Variants in STX8 observed in about 807,000 individuals in gnomAD.
The protein encoded by STX8 is syntaxin 8, also known as syntaxin-8.
Under a neutral mutation model 37.5 loss-of-function variants are expected in STX8, and 23 were observed. The ratio of observed to expected loss-of-function variants is 0.61; its 90% CI spans 0.44 to 0.87. The LOEUF is 0.87. Ranked by LOEUF, STX8 falls within the 40% of genes least tolerant of loss-of-function variation. The pLI is 0.00. For synonymous variants in STX8, 115 were observed against 99.1 expected, an observed-to-expected ratio of 1.16 and a Z score of -0.95; for missense variants, 313 against 284.7, an observed-to-expected ratio of 1.10 and a Z score of -0.71.
rs376777350 is a variant in STX8 at position 9,378,545 on chromosome 17, C to G, written c.643+7G>C. On this transcript the variant is annotated splice_region_variant and intron_variant, in intron 7 of 7. Transcript: ENST00000306357. ...AGAAACAGAGCCATAACGTAGCTAT[C>G]TCTTACCACAAGAGGCTGACTTTCT... 1.2e-6 allele frequency: 2 copies of G among 1,611,986 alleles called. No individual in the cohort carries two copies. The highest frequency in any genetic ancestry group is 1.7e-6 in the Non-Finnish European group (2 of 1,178,156).
At chr17:9,422,566 G>A (rs766469616) in intron 6 of STX8, among the ~76,000 whole-genome samples, 9 of 152,148 alleles carry the variant, frequency 5.9e-5, no homozygotes, top group Admixed American at 1.3e-4. Context: ...TTTTGTGTCC[G>A]GCTTCTTTCA....
At chr17:9,420,028 C>A (rs1353254543) in intron 6 of STX8, among the ~76,000 whole-genome samples, 1 of 152,200 alleles carries the variant, frequency 6.6e-6, no homozygotes, top group Admixed American at 6.5e-5. Context: ...CCCACTTAAA[C>A]CCATTCTGTA....
chr17:9,400,185 C>G (rs1912556428), intron 6 of STX8, among the ~76,000 whole-genome samples: 1 of 150,894 alleles, frequency 6.6e-6, no homozygotes, highest in African/African-American at 2.4e-5. Context: ...TAACTGCAAG[C>G]TCCGCCTCCC....
intron 6 of STX8, among the ~76,000 whole-genome samples, chr17:9,447,659 G>C (rs1230606584): frequency 2.0e-5 from 3 of 151,868 alleles, no homozygotes. Context: ...CTGACCTCAA[G>C]TGATCCACCA....
intron 5 of STX8, among the ~76,000 whole-genome samples, chr17:9,492,342 T>G (rs1338687997): frequency 6.6e-6 from 1 of 152,160 alleles, no homozygotes; most frequent in African/African-American, 2.4e-5. Flanking sequence ...AAAAAACTAC[T>G]TTTTTTGGCT....
intron 7 of STX8, among the ~76,000 whole-genome samples, chr17:9,330,132 T>C (rs1909914203): frequency 6.6e-6 from 1 of 152,184 alleles, no homozygotes; most frequent in Admixed American, 6.5e-5. Context: ...CTCCGTAAGC[T>C]TTCCCAAGTG....
chr17:9,474,530 G>A (rs369689342), intron 6 of STX8, among the ~76,000 whole-genome samples: 6 of 152,124 alleles, frequency 3.9e-5, no homozygotes, highest in African/African-American at 1.2e-4. Flanking sequence ...CACTAACTGG[G>A]TAGCCAACAA....
intron 6 of STX8, among the ~76,000 whole-genome samples, chr17:9,439,088 A>G (rs765332866): frequency 1.8e-4 from 28 of 152,090 alleles, no homozygotes; most frequent in Admixed American, 6.5e-5. Context: ...TCAACCATTT[A>G]AAAATATAAA....
chr17:9,468,264 C>G (rs1338570611), intron 6 of STX8, among the ~76,000 whole-genome samples: 1 of 152,008 alleles, frequency 6.6e-6, no homozygotes, highest in Non-Finnish European at 1.5e-5. Context: ...CGTGCACCAC[C>G]GCACCCGGCT....
intron 7 of STX8, among the ~76,000 whole-genome samples, chr17:9,250,965 G>A (rs1017538755): frequency 5.9e-5 from 9 of 152,076 alleles, no homozygotes; most frequent in Non-Finnish European, 8.8e-5. Flanking sequence ...AGCTGCTGAC[G>A]ACAGCCACCC....
chr17:9,492,411 G>C (rs140000111), intron 5 of STX8, among the ~76,000 whole-genome samples: 1 of 152,178 alleles, frequency 6.6e-6, no homozygotes, highest in South Asian at 2.1e-4. Flanking sequence ...AAATTGTGAC[G>C]ATCTAGAAGC....
intron 6 of STX8, among the ~76,000 whole-genome samples, chr17:9,444,336 CT>C (rs770299565): frequency 3.6e-4 from 55 of 152,342 alleles, no homozygotes; most frequent in Non-Finnish European, 6.2e-4. Flanking sequence ...CAAAGCGCAT[CT>C]GCTAGCCCTT....
In STX8 at chr17:9,498,400, AAC is replaced by A. The variant is rs1491062530; in HGVS notation, c.449-6481_449-6480del. Among the ~76,000 whole-genome samples, 342 of 150,582 alleles carry A rather than the reference AAC, an allele frequency of 2.3e-3. 5 individuals carry two copies. Among genetic ancestry groups the A allele is most frequent in the African/African-American group, 7.3e-3 (299 of 41,118 alleles). ...GTGAGACACCATCTCAAAAAAAAAA[AAC>A]AAAAGAAAAGAAAAATTAGGTCAAG... On this transcript the variant is annotated intron_variant, in intron 5 of 7. Coordinates refer to ENST00000306357, the MANE Select transcript of STX8 (RefSeq NM_004853.3).
At chr17:9,572,929 A>T (rs1466567107) in intron 1 of STX8, among the ~76,000 whole-genome samples, 1 of 152,178 alleles carries the variant, frequency 6.6e-6, no homozygotes, top group African/African-American at 2.4e-5. Context: ...AGCTTCCACC[A>T]ATCTAAATAG....
chr17:9,441,442 G>A (rs991028105), intron 6 of STX8, among the ~76,000 whole-genome samples: 10 of 141,596 alleles, frequency 7.1e-5, no homozygotes, highest in Non-Finnish European at 1.2e-4. Context: ...GTGAGCCGAT[G>A]TTGCACCACT....
intron 7 of STX8, among the ~76,000 whole-genome samples, chr17:9,285,043 C>A (rs1041569712): frequency 6.6e-6 from 1 of 152,044 alleles, no homozygotes; most frequent in African/African-American, 2.4e-5. Context: ...CAGGCCCCAC[C>A]CCCCTGGAGA....
intron 6 of STX8, among the ~76,000 whole-genome samples, chr17:9,405,888 G>GATC (rs1445776076): frequency 6.6e-6 from 1 of 152,170 alleles, no homozygotes; most frequent in Non-Finnish European, 1.5e-5. Context: ...TCCAGCTTTA[G>GATC]ATCAGATCCT....
At chr17:9,280,869 C>T (rs930011994) in intron 7 of STX8, among the ~76,000 whole-genome samples, 3 of 152,216 alleles carry the variant, frequency 2.0e-5, no homozygotes, top group African/African-American at 7.2e-5. Flanking sequence ...GTTAAGAAAG[C>T]ACAATCTGTC....
rs566605501 is a variant in STX8, at chr17:9,474,608, T to C, written c.541+17221A>G. ...GTTTAAGGGCTTGATCCCACAAGAC[T>C]GTTCTAACTTCAGATACCAGCCATT... On this transcript the variant is annotated intron_variant, in intron 6 of 7. Coordinates refer to ENST00000306357, the MANE Select transcript of STX8 (RefSeq NM_004853.3). Among the ~76,000 whole-genome samples, 9 of 152,338 alleles carry C rather than the reference T, an allele frequency of 5.9e-5. No individual in the cohort carries two copies. In the South Asian group the frequency reaches 1.9e-3, roughly 32 times the overall value.
Sources: allele counts gnomAD v4.1 joint callset (sites outside exome capture counted in the v4.1 genomes callset), GRCh38; gene constraint gnomAD v4.1.1; transcripts MANE v1.5; gene names NCBI Gene and HGNC (gene_info 2026-07-23, HGNC 2026-07-21).